Variants in PRKCB observed in about 807,000 individuals in gnomAD.
The protein encoded by PRKCB is protein kinase C beta.
A neutral mutation model predicts 81.5 loss-of-function variants in PRKCB; 13 were observed. The observed-to-expected ratio is 0.16, with a 90% CI of 0.10 to 0.25. The LOEUF (loss-of-function observed/expected upper bound fraction) is 0.25, where lower values mean the gene tolerates loss of function less well. Among genes scored for constraint, PRKCB ranks in the 10% least tolerant of loss-of-function variants. PRKCB has a pLI of 1.00. For synonymous variants in PRKCB, 335 were observed against 321.4 expected (o/e 1.04, Z -0.45); for missense variants, 509 against 875.7 (o/e 0.58, Z 5.29).
intron 7 of PRKCB, among the ~76,000 whole-genome samples, chr16:24,111,591 GGCCT>G (rs1162122447): frequency 6.6e-6 from 1 of 151,138 alleles, no homozygotes; most frequent in Non-Finnish European, 1.5e-5. Flanking sequence ...GTTCAAGACT[GGCCT>G]GAGCAACATA....
chr16:24,045,780 T>C (rs1965756136), intron 5 of PRKCB, among the ~76,000 whole-genome samples: 1 of 152,214 alleles, frequency 6.6e-6, no homozygotes. Context: ...CCCCTGGGGA[T>C]GCACTGTAAC....
intron 2 of PRKCB, among the ~76,000 whole-genome samples, chr16:23,953,211 A>G (rs1363095791): frequency 1.3e-5 from 2 of 152,166 alleles, no homozygotes; most frequent in Non-Finnish European, 2.9e-5. Context: ...TTCCCTGCTC[A>G]GCTGTTTCTC....
intron 15 of PRKCB, among the ~76,000 whole-genome samples, chr16:24,187,356 G>A (rs1441389626): frequency 6.6e-6 from 1 of 152,202 alleles, no homozygotes; most frequent in Non-Finnish European, 1.5e-5. Flanking sequence ...CAGGACCTTG[G>A]GGAAGTTGTT....
At chr16:24,036,815 T>C (rs1261194429) in intron 5 of PRKCB, among the ~76,000 whole-genome samples, 8 of 152,114 alleles carry the variant, frequency 5.3e-5, no homozygotes, top group Admixed American at 2.0e-4. Flanking sequence ...CTGATTGAGG[T>C]TCCCGATGCT....
intron 2 of PRKCB, among the ~76,000 whole-genome samples, chr16:23,858,366 G>A (rs1330204123): frequency 1.3e-5 from 2 of 152,156 alleles, no homozygotes; most frequent in African/African-American, 4.8e-5. Flanking sequence ...ACCATGGTGA[G>A]GAAGGCCCCG....
At chr16:23,928,287 G>A (rs563683243) in intron 2 of PRKCB, among the ~76,000 whole-genome samples, 40 of 151,942 alleles carry the variant, frequency 2.6e-4, no homozygotes, top group African/African-American at 8.4e-4. Flanking sequence ...GACCATGCCC[G>A]GCTAATTTTT....
chr16:24,057,716 G>A (rs764376291), intron 5 of PRKCB, among the ~76,000 whole-genome samples: 2 of 152,114 alleles, frequency 1.3e-5, no homozygotes, highest in Non-Finnish European at 2.9e-5. Flanking sequence ...GCTTCACAGA[G>A]GCAAAGGCAG....
At chr16:24,085,480 A>T (rs559229416) in intron 5 of PRKCB, among the ~76,000 whole-genome samples, 2 of 152,228 alleles carry the variant, frequency 1.3e-5, no homozygotes, top group South Asian at 4.1e-4. Context: ...CTTACATTCC[A>T]CTTTGACACT....
At chr16:23,880,322 A>G (rs147515116) in intron 2 of PRKCB, among the ~76,000 whole-genome samples, 2 of 152,258 alleles carry the variant, frequency 1.3e-5, no homozygotes, top group Non-Finnish European at 2.9e-5. Flanking sequence ...CCCCCACCAC[A>G]CACACAAGGC....
chr16:23,961,819 T>G (rs1964429770), intron 2 of PRKCB, among the ~76,000 whole-genome samples: 1 of 152,150 alleles, frequency 6.6e-6, no homozygotes, highest in Non-Finnish European at 1.5e-5. Flanking sequence ...ATCATGTCAG[T>G]GCTCAAAAGG....
rs988690121 is a variant in PRKCB, at chr16:24,049,074, T to C, written c.529+13527T>C. Among the ~76,000 whole-genome samples, 4 of 144,140 alleles carry C rather than the reference T, an allele frequency of 2.8e-5. No individual in the cohort carries two copies. In the South Asian group the frequency reaches 8.8e-4, roughly 32 times the overall value. 94.6% of individuals were successfully genotyped at this position (144,140 alleles called of 152,430 possible). On this transcript the variant is annotated intron_variant, in intron 5 of 16. Transcript: ENST00000643927. ...TTTTTTTTTTTTTTTTTTTTTTTTT[T>C]TTTGCAGAAAGACAGATTTCACTGG...
chr16:24,073,242 T>A (rs988916533), intron 5 of PRKCB, among the ~76,000 whole-genome samples: 2 of 152,238 alleles, frequency 1.3e-5, no homozygotes, highest in African/African-American at 4.8e-5. Flanking sequence ...AAGGTCAGGA[T>A]TAGAACTGTT....
chr16:23,988,719 G>A (rs545447426), intron 3 of PRKCB, 129 bp downstream of exon 3: 43 of 834,932 alleles, frequency 5.2e-5, no homozygotes, highest in Non-Finnish European at 7.3e-5. Flanking sequence ...GGTCCCTATA[G>A]CTTTTGAGAC....
At chr16:24,119,666 GT>G (rs2141924798) in intron 8 of PRKCB, among the ~76,000 whole-genome samples, 1 of 152,166 alleles carries the variant, frequency 6.6e-6, no homozygotes, top group South Asian at 2.1e-4. Flanking sequence ...ATTTAGGAGG[GT>G]GTGAGGACAT....
At chr16:23,871,097 G>A (rs1014457962) in intron 2 of PRKCB, among the ~76,000 whole-genome samples, 8 of 152,178 alleles carry the variant, frequency 5.3e-5, no homozygotes, top group African/African-American at 1.2e-4. Flanking sequence ...CTGCTGCACC[G>A]TCTCTTCCAC....
chr16:24,074,540 A>C (rs972249831), intron 5 of PRKCB, among the ~76,000 whole-genome samples: 1 of 152,232 alleles, frequency 6.6e-6, no homozygotes, highest in Admixed American at 6.5e-5. Flanking sequence ...AACTATTATT[A>C]TTTAATCTAT....
At chr16:24,039,796 T>C (rs1161215283) in intron 5 of PRKCB, among the ~76,000 whole-genome samples, 1 of 152,206 alleles carries the variant, frequency 6.6e-6, no homozygotes, top group Non-Finnish European at 1.5e-5. Context: ...CAACAGCATC[T>C]GGCACACTCA....
chr16:23,974,991 C>T (rs1964606095), intron 2 of PRKCB, among the ~76,000 whole-genome samples: 1 of 152,128 alleles, frequency 6.6e-6, no homozygotes, highest in Non-Finnish European at 1.5e-5. Context: ...CCGGGCACCT[C>T]GATTGACAGC....
At chr16:23,961,318 A>G (rs1964423416) in intron 2 of PRKCB, among the ~76,000 whole-genome samples, 2 of 152,194 alleles carry the variant, frequency 1.3e-5, no homozygotes, top group Admixed American at 1.3e-4. Context: ...ACAAAATGTA[A>G]GTTATTGGAT....
Sources: allele counts gnomAD v4.1 joint callset (sites outside exome capture counted in the v4.1 genomes callset), GRCh38; gene constraint gnomAD v4.1.1; transcripts MANE v1.5; gene names NCBI Gene and HGNC (gene_info 2026-07-23, HGNC 2026-07-21).